The following HIF1A variants were observed in gnomAD, a reference collection of about 807,000 sequenced individuals.
HIF1A encodes hypoxia-inducible factor 1-alpha.
A neutral mutation model predicts 92.7 loss-of-function variants in HIF1A; 24 were observed. That is an observed-to-expected ratio of 0.26 (90% confidence interval 0.19 to 0.36). The LOEUF is 0.36. Ranked by LOEUF, HIF1A falls within the 10% of genes least tolerant of loss-of-function variation. The probability of loss-of-function intolerance (pLI) is 1.00; values close to 1 mark genes in which losing one functional copy is unlikely to be tolerated. For missense variants in HIF1A, 799 were observed against 998.5 expected (o/e 0.80, Z 2.69); for synonymous variants, 319 against 338.7 (o/e 0.94, Z 0.64).
chr14:61,733,620 A>G (rs917579576), intron 7 of HIF1A, among the ~76,000 whole-genome samples: 4 of 152,178 alleles, frequency 2.6e-5, no homozygotes, highest in Non-Finnish European at 5.9e-5. Context: ...GGACACCCCA[A>G]TCCTCAAAAT....
intron 4 of HIF1A, among the ~76,000 whole-genome samples, chr14:61,722,445 G>C (rs1230215731): frequency 2.6e-5 from 4 of 152,010 alleles, no homozygotes; most frequent in African/African-American, 9.7e-5. Flanking sequence ...GTATTGCCCA[G>C]GCTGGTCTTA....
At chr14:61,712,958 G>GA (rs547316183) in intron 1 of HIF1A, among the ~76,000 whole-genome samples, 9,314 of 121,100 alleles carry the variant, frequency 0.077, 291 homozygotes, top group Non-Finnish European at 0.087. Flanking sequence ...GAAGCCAGAG[G>GA]AAAAAAAAAA....
chr14:61,710,932 C>T (rs965995562), intron 1 of HIF1A, among the ~76,000 whole-genome samples: 1 of 151,480 alleles, frequency 6.6e-6, no homozygotes, highest in Non-Finnish European at 1.5e-5. Flanking sequence ...TGGTGGCAGG[C>T]GCCTGTAACC....
chr14:61,736,758 T>C (rs1313764822), intron 8 of HIF1A, 131 bp from the exon 9 acceptor site: 2 of 635,680 alleles, frequency 3.1e-6, no homozygotes, highest in Admixed American at 2.8e-5. Context: ...TGAGTGATCA[T>C]GCATCTCAAG....
intron 14 of HIF1A, among the ~76,000 whole-genome samples, chr14:61,746,588 TCTCA>T (rs1482496991): frequency 1.3e-5 from 2 of 151,900 alleles, no homozygotes; most frequent in African/African-American, 4.8e-5. Flanking sequence ...AGAGATGGGG[TCTCA>T]CTATGTTGCC....
intron 1 of HIF1A, among the ~76,000 whole-genome samples, chr14:61,718,692 T>A (rs2044391027): frequency 6.6e-6 from 1 of 152,238 alleles, no homozygotes; most frequent in South Asian, 2.1e-4. Flanking sequence ...GACTAATTTT[T>A]TTTTATTGTA....
At chr14:61,727,748 C>T in intron 6 of HIF1A, 93 bp downstream of exon 6, 1 of 925,808 alleles carries the variant, frequency 1.1e-6, no homozygotes, top group South Asian at 1.4e-5. Context: ...GCTGGCCATG[C>T]ATGGTGGCTC....
At chr14:61,735,519 T>C (rs1205880278) in intron 8 of HIF1A, among the ~76,000 whole-genome samples, 3 of 152,238 alleles carry the variant, frequency 2.0e-5, no homozygotes, top group African/African-American at 7.2e-5. Flanking sequence ...TTCTCTATTT[T>C]AGCAGTTATC....
chr14:61,695,719 TCTC>T lies in HIF1A; in HGVS notation c.-84_-82del, dbSNP rs1269269605. 1.4e-4 allele frequency: 207 copies of T among 1,439,292 alleles called. No homozygotes were observed. The highest frequency in any genetic ancestry group is 1.9e-4 in the Non-Finnish European group (199 of 1,050,472). 89.2% of individuals were successfully genotyped at this position (1,439,292 alleles called of 1,614,324 possible). Reference sequence around the variant, plus strand: ...CCTCTGGACTTGCCTTTCCTTCTCTTCTCCGCGTGTGGAGGGAGCCAGCGCTTA... The same window carrying T: ...CCTCTGGACTTGCCTTTCCTTCTCTTCGCGTGTGGAGGGAGCCAGCGCTTA... On this transcript the variant is annotated 5_prime_UTR_variant, in exon 1 of 15. Coordinates refer to ENST00000337138, the MANE Select transcript of HIF1A (RefSeq NM_001530.4).
intron 4 of HIF1A, among the ~76,000 whole-genome samples, chr14:61,724,992 A>G (rs1022406995): frequency 3.3e-5 from 5 of 152,186 alleles, no homozygotes; most frequent in African/African-American, 7.2e-5. Context: ...TGTACTCTAC[A>G]TTGTGGACAA....
At chr14:61,726,656 C>A in intron 4 of HIF1A, 50 bp from the exon 5 acceptor site, 1 of 1,185,480 alleles carries the variant, frequency 8.4e-7, no homozygotes, top group Non-Finnish European at 1.2e-6. Context: ...TTTATTGTAA[C>A]AAATTTGTAT....
intron 1 of HIF1A, chr14:61,697,717 G>A: frequency 5.4e-6 from 7 of 1,285,552 alleles, no homozygotes; most frequent in Non-Finnish European, 6.9e-6. Context: ...CACTTAATAA[G>A]TGGTGGTTAC....
intron 12 of HIF1A, among the ~76,000 whole-genome samples, chr14:61,744,314 CAGG>C (rs1358610600): frequency 6.6e-6 from 1 of 152,026 alleles, no homozygotes; most frequent in Non-Finnish European, 1.5e-5. Flanking sequence ...CACTTGCGCT[CAGG>C]AGTTTGAGAC....
chr14:61,727,598 G>GC lies in HIF1A; in HGVS notation c.717dup (p.Lys240GlnfsTer17). 1 of 1,613,842 alleles carries GC rather than the reference G, an allele frequency of 6.2e-7. No homozygotes were observed. Among genetic ancestry groups the GC allele is most frequent in the Non-Finnish European group, 8.5e-7 (1 of 1,179,776 alleles). On this transcript the variant is annotated frameshift_variant, in exon 6 of 15. Transcript: ENST00000337138. LOFTEE classifies it high-confidence loss of function. ...TCAAATATTGAAATTCCTTTAGATA[G>GC]CAAGACTTTCCTCAGTCGACACAGC...
In HIF1A at chr14:61,741,080, C is replaced by G. The variant is rs780456004; in HGVS notation, c.1985C>G (p.Thr662Ser). Residue 662 changes from threonine (T) to serine (S), a missense_variant, in exon 12 of 15, where the codon ACT becomes AGT. Around this residue, in one of 2 missense-constraint regions of HIF1A, gnomAD observed 283 missense variants for 277.5 expected, o/e 1.02. Coordinates refer to ENST00000337138, the MANE Select transcript of HIF1A (RefSeq NM_001530.4). Reference sequence around the variant, plus strand: ...GCCACATCATCACCATATAGAGATACTCAAAGTCGGACAGCCTCACCAAAC... The same window carrying G: ...GCCACATCATCACCATATAGAGATAGTCAAAGTCGGACAGCCTCACCAAAC... ...TSATSSPYRD[T>S]QSRTASPNRA... 9 of 1,613,812 alleles carry G rather than the reference C, an allele frequency of 5.6e-6. No individual in the cohort carries two copies. The highest frequency in any genetic ancestry group is 6.8e-6 in the Non-Finnish European group (8 of 1,179,794).
chr14:61,746,389 C>CT (rs2044787953), intron 14 of HIF1A, among the ~76,000 whole-genome samples: 1 of 48,622 alleles, frequency 2.1e-5, no homozygotes, highest in African/African-American at 3.4e-5. Context: ...ACTTTTATGA[C>CT]TTCTTTTTTT....
intron 13 of HIF1A, among the ~76,000 whole-genome samples, chr14:61,745,354 TGGA>T (rs1438439862): frequency 6.6e-6 from 1 of 151,522 alleles, no homozygotes; most frequent in Non-Finnish European, 1.5e-5. Context: ...ACCCGGGAGG[TGGA>T]GGTTGCGATG....
At chr14:61,716,379 T>G (rs1409885331) in intron 1 of HIF1A, among the ~76,000 whole-genome samples, 2 of 152,300 alleles carry the variant, frequency 1.3e-5, no homozygotes, top group East Asian at 1.9e-4. Flanking sequence ...AAAAACCAAC[T>G]TGTACCTTCA....
At chr14:61,725,067 C>T (rs1243822728) in intron 4 of HIF1A, among the ~76,000 whole-genome samples, 1 of 152,168 alleles carries the variant, frequency 6.6e-6, no homozygotes, top group East Asian at 1.9e-4. Flanking sequence ...CATTCTCTTA[C>T]TTCTCCTTGG....
Sources: gnomAD v4.1 joint callset for allele counts (sites outside exome capture counted in the v4.1 genomes callset) on GRCh38, gnomAD v4.1.1 for gene constraint, gnomAD v4.1.1 regional missense constraint, MANE v1.5 for transcripts, NCBI Gene and HGNC (gene_info 2026-07-23, HGNC 2026-07-21) for gene names.